PDE8A: variants seen among roughly 807,000 people sequenced by gnomAD.
The protein encoded by PDE8A is phosphodiesterase 8A.
A neutral mutation model predicts 105.0 loss-of-function variants in PDE8A; 59 were observed. The ratio of observed to expected loss-of-function variants is 0.56; its 90% CI spans 0.46 to 0.70. The LOEUF is 0.70. PDE8A is among the 30% of genes least tolerant of loss of function. The pLI, the probability that PDE8A is intolerant of heterozygous loss-of-function variation, is 0.00. For synonymous variants in PDE8A, 355 were observed against 371.9 expected (o/e 0.95, Z 0.52); for missense variants, 1,014 against 1,045.9 (o/e 0.97, Z 0.42).
chr15:85,119,526 A>G (rs1358404854), intron 17 of PDE8A, among the ~76,000 whole-genome samples: 2 of 150,960 alleles, frequency 1.3e-5, no homozygotes, highest in Non-Finnish European at 2.9e-5. Flanking sequence ...TTGCGCACTT[A>G]AAATTTAAAT....
intron 5 of PDE8A, among the ~76,000 whole-genome samples, chr15:85,079,735 A>T (rs2081435466): frequency 6.6e-6 from 1 of 152,224 alleles, no homozygotes; most frequent in Non-Finnish European, 1.5e-5. Flanking sequence ...CAGCATGGCG[A>T]AACCCCGTCT....
At chr15:84,994,638 T>C (rs1160981415) in intron 1 of PDE8A, among the ~76,000 whole-genome samples, 2 of 152,254 alleles carry the variant, frequency 1.3e-5, no homozygotes, top group South Asian at 4.1e-4. Flanking sequence ...TTCTTCTACC[T>C]ATCATACTCC....
At chr15:84,996,470 G>A (rs936424409) in intron 1 of PDE8A, among the ~76,000 whole-genome samples, 2 of 151,984 alleles carry the variant, frequency 1.3e-5, no homozygotes, top group African/African-American at 2.4e-5. Context: ...ATGAGCTACC[G>A]TGCTTGGCAG....
At chr15:85,002,743 A>G (rs2080086634) in intron 1 of PDE8A, among the ~76,000 whole-genome samples, 3 of 152,186 alleles carry the variant, frequency 2.0e-5, no homozygotes, top group South Asian at 4.2e-4. Context: ...CCAGCACCCC[A>G]TCTTGTGGTT....
chr15:85,083,078 G>A (rs1379095707), intron 5 of PDE8A, among the ~76,000 whole-genome samples: 1 of 152,218 alleles, frequency 6.6e-6, no homozygotes, highest in Non-Finnish European at 1.5e-5. Flanking sequence ...GCCCATGTTG[G>A]GGTTCCCCCT....
chr15:85,090,859 C>T (rs1280075800), intron 7 of PDE8A, 185 bp from the exon 8 acceptor site: 7 of 658,446 alleles, frequency 1.1e-5, no homozygotes, highest in Admixed American at 2.1e-5. Context: ...AGCAGAAGCT[C>T]GTCTGGGCTC....
At chr15:85,111,003 C>T (rs937058986) in intron 12 of PDE8A, among the ~76,000 whole-genome samples, 2 of 152,106 alleles carry the variant, frequency 1.3e-5, no homozygotes, top group Non-Finnish European at 2.9e-5. Context: ...AGTTGAGCAC[C>T]TTTTTATTGG....
chr15:85,011,406 G>A (rs1229244172), intron 1 of PDE8A, among the ~76,000 whole-genome samples: 1 of 152,040 alleles, frequency 6.6e-6, no homozygotes, highest in African/African-American at 2.4e-5. Flanking sequence ...TTGACCTTTG[G>A]CAAGTTTCAT....
intron 6 of PDE8A, among the ~76,000 whole-genome samples, chr15:85,086,019 T>TAA (rs543939248): frequency 6.6e-4 from 69 of 104,542 alleles, no homozygotes; most frequent in African/African-American, 1.8e-3. Flanking sequence ...TCTCAAAAAG[T>TAA]AAAAAAAAAA....
chr15:85,005,657 A>T (rs2080134355), intron 1 of PDE8A, among the ~76,000 whole-genome samples: 1 of 152,196 alleles, frequency 6.6e-6, no homozygotes, highest in Non-Finnish European at 1.5e-5. Context: ...TTAGCCCAGG[A>T]CACAGACACC....
chr15:85,017,024 G>A (rs1265663504), intron 1 of PDE8A, among the ~76,000 whole-genome samples: 1 of 151,494 alleles, frequency 6.6e-6, no homozygotes, highest in Non-Finnish European at 1.5e-5. Flanking sequence ...CACTTTGGGA[G>A]GCCGAGGCGG....
At chr15:85,137,255 GAGA>G (rs1567310975) in intron 21 of PDE8A, among the ~76,000 whole-genome samples, 3 of 152,234 alleles carry the variant, frequency 2.0e-5, no homozygotes, top group Non-Finnish European at 4.4e-5. Flanking sequence ...GGCGGCTGGG[GAGA>G]AGGACTGAAG....
chr15:85,031,265 G>A (rs906514342), intron 1 of PDE8A, among the ~76,000 whole-genome samples: 1 of 152,160 alleles, frequency 6.6e-6, no homozygotes, highest in Non-Finnish European at 1.5e-5. Context: ...AATGATGAGA[G>A]GCAGAGATAA....
rs958691481 is a variant in PDE8A at position 84,981,972 on chromosome 15, A to AGCC, written c.-179_-177dup. The AGCC allele has an allele frequency of 5.5e-5, 16 of 289,044 alleles. No homozygotes were observed. The highest frequency in any genetic ancestry group is 1.1e-4 in the African/African-American group (5 of 44,646). The allele number at this position is 289,044 out of a possible 1,614,324, so 17.9% of individuals were successfully genotyped here. The stretch of plus-strand genomic sequence containing the variant: ...CGCCTAAGCGCCCCCTTCCCACCGC[A>AGCC]GCCGCCGCCGCCGCAGCGCCCGCAC... On this transcript the variant is annotated 5_prime_UTR_variant, in exon 1 of 22. Coordinates refer to ENST00000394553, the MANE Select transcript of PDE8A (RefSeq NM_002605.3).
chr15:85,135,078 G>A (rs1286709106), intron 20 of PDE8A, among the ~76,000 whole-genome samples: 1 of 152,176 alleles, frequency 6.6e-6, no homozygotes, highest in East Asian at 1.9e-4. Context: ...GCATGGGAAC[G>A]TTCTGGGCGA....
At chr15:85,068,850 T>C (rs1198265607) in intron 3 of PDE8A, among the ~76,000 whole-genome samples, 1 of 152,178 alleles carries the variant, frequency 6.6e-6, no homozygotes, top group Non-Finnish European at 1.5e-5. Flanking sequence ...AAAAGAAAAT[T>C]TAAATTGTGT....
At chr15:85,081,976 C>T (rs1596499132) in intron 5 of PDE8A, among the ~76,000 whole-genome samples, 1 of 152,268 alleles carries the variant, frequency 6.6e-6, no homozygotes, top group Middle Eastern at 3.4e-3. Context: ...ACAGCCCTCA[C>T]ATCCCAGAAT....
chr15:84,981,229 C>T (rs2079701999), upstream of PDE8A, among the ~76,000 whole-genome samples: 2 of 152,210 alleles, frequency 1.3e-5, no homozygotes, highest in Non-Finnish European at 2.9e-5. Flanking sequence ...CCCAGTCGGG[C>T]GCCCCGCCTG....
chr15:84,982,264 G>A lies in PDE8A; in HGVS notation c.102G>A (p.Pro34=). The A allele has an allele frequency of 6.9e-7, 1 of 1,451,272 alleles. No homozygotes were observed. The highest frequency in any genetic ancestry group is 9.0e-7 in the Non-Finnish European group (1 of 1,109,974). 89.9% of individuals were successfully genotyped at this position (1,451,272 alleles called of 1,614,324 possible). A position where few individuals can be genotyped will look rare whatever the true frequency, so the allele number is the denominator to read the frequency against. Residue 34 remains proline, a synonymous_variant, in exon 1 of 22, where the codon CCG becomes CCA. Transcript: ENST00000394553. ...PPLSSGGPRL[P]QGQKTAALPR... ...TGTCGTCCGGCGGGCCGCGCCTCCC[G>A]CAGGGCCAGAAGACGGCCGCCTTGC...
Sources: allele counts gnomAD v4.1 joint callset (sites outside exome capture counted in the v4.1 genomes callset), GRCh38; gene constraint gnomAD v4.1.1; transcripts MANE v1.5; gene names NCBI Gene and HGNC (gene_info 2026-07-23, HGNC 2026-07-21).